SLC39A11: variants seen among roughly 807,000 people sequenced by gnomAD.
SLC39A11 encodes solute carrier family 39 member 11, also known as zinc transporter ZIP11.
A neutral mutation model predicts 36.1 loss-of-function variants in SLC39A11; 33 were observed. The observed-to-expected ratio is 0.91, with a 90% confidence interval of 0.69 to 1.22. The LOEUF (loss-of-function observed/expected upper bound fraction) is 1.22, where lower values mean the gene tolerates loss of function less well. Among genes scored for constraint, SLC39A11 ranks in the 50% most tolerant of loss-of-function variants. The pLI, the probability that SLC39A11 is intolerant of heterozygous loss-of-function variation, is 0.00. For synonymous variants in SLC39A11, 166 were observed against 170.3 expected (o/e 0.97, Z 0.20); for missense variants, 432 against 430.3 (o/e 1.00, Z -0.03).
intron 4 of SLC39A11, among the ~76,000 whole-genome samples, chr17:72,971,257 T>G (rs1479847088): frequency 6.6e-6 from 1 of 152,078 alleles, no homozygotes; most frequent in African/African-American, 2.4e-5. Flanking sequence ...TACCTCTAAA[T>G]CTGCTTACAG....
At chr17:72,780,100 TG>T (rs1432897092) in intron 6 of SLC39A11, among the ~76,000 whole-genome samples, 4 of 152,230 alleles carry the variant, frequency 2.6e-5, no homozygotes, top group Admixed American at 2.6e-4. Context: ...AACGCAAAGA[TG>T]AACTAAGCCC....
At chr17:72,929,751 C>A (rs2084268295) in intron 5 of SLC39A11, among the ~76,000 whole-genome samples, 1 of 152,088 alleles carries the variant, frequency 6.6e-6, no homozygotes, top group Non-Finnish European at 1.5e-5. Context: ...GTCTTGCTAC[C>A]CTTGGAAACT....
intron 4 of SLC39A11, among the ~76,000 whole-genome samples, chr17:72,992,161 G>A (rs758815772): frequency 8.5e-5 from 13 of 152,110 alleles, no homozygotes; most frequent in Non-Finnish European, 1.6e-4. Flanking sequence ...AGACCAGCCT[G>A]GCCAACATAG....
intron 6 of SLC39A11, among the ~76,000 whole-genome samples, chr17:72,780,319 T>C (rs1174479654): frequency 6.6e-6 from 1 of 151,814 alleles, no homozygotes; most frequent in African/African-American, 2.4e-5. Context: ...TCTTCTTGGT[T>C]TGGGGGCTGA....
At chr17:73,049,209 G>A (rs2059416614) in intron 3 of SLC39A11, among the ~76,000 whole-genome samples, 2 of 152,208 alleles carry the variant, frequency 1.3e-5, no homozygotes, top group African/African-American at 2.4e-5. Flanking sequence ...TATATCATAA[G>A]GCCAAAGGCG....
chr17:72,884,897 G>A lies in SLC39A11; in HGVS notation c.431-35093C>T, dbSNP rs565686740. Among the ~76,000 whole-genome samples the A allele has an allele frequency of 2.0e-5, 3 of 152,250 alleles. No homozygotes were observed. In the East Asian group the frequency reaches 5.8e-4, roughly 29 times the overall value. ...TTCTGAACAAAGAAAAATGCATAAC[G>A]AGAGGAACTCATCATTAAATATAAA... On this transcript the variant is annotated intron_variant, in intron 5 of 9. Transcript: ENST00000255559.
chr17:72,798,575 G>A (rs2145189859), intron 6 of SLC39A11, among the ~76,000 whole-genome samples: 1 of 151,868 alleles, frequency 6.6e-6, no homozygotes, highest in Middle Eastern at 3.4e-3. Flanking sequence ...CACCATGCAG[G>A]GGTTTCACCA....
chr17:73,050,462 C>CTTTTTTTTT (rs558193911), intron 3 of SLC39A11, among the ~76,000 whole-genome samples: 3 of 124,322 alleles, frequency 2.4e-5, no homozygotes, highest in African/African-American at 6.3e-5. Context: ...TGTGAACTGA[C>CTTTTTTTTT]TTTTTTTTTT....
At chr17:72,699,737 G>A (rs115197260) in intron 7 of SLC39A11, among the ~76,000 whole-genome samples, 1,834 of 152,280 alleles carry the variant, frequency 0.012, 38 homozygotes, top group African/African-American at 0.042. Context: ...GGGCGGCCAG[G>A]GCTGTGGATT....
rs2082686929 is a variant in SLC39A11, at chr17:72,906,962, T to C, written c.430+40790A>G. Reference sequence around the variant, plus strand: ...AGGGCTGCCTAATCAAAGCATCTGCTCCTTCCTGGAAGGCTCCAACAGCCA... The same window carrying C: ...AGGGCTGCCTAATCAAAGCATCTGCCCCTTCCTGGAAGGCTCCAACAGCCA... On this transcript the variant is annotated intron_variant, in intron 5 of 9. Coordinates refer to ENST00000255559, the MANE Select transcript of SLC39A11 (RefSeq NM_139177.4). Among the ~76,000 whole-genome samples, 3 of 152,266 alleles carry C rather than the reference T, an allele frequency of 2.0e-5. No individual in the cohort carries two copies. In the South Asian group the frequency reaches 6.2e-4, roughly 32 times the overall value.
intron 4 of SLC39A11, among the ~76,000 whole-genome samples, chr17:73,023,495 T>C (rs536187165): frequency 6.6e-6 from 1 of 152,156 alleles, no homozygotes; most frequent in East Asian, 1.9e-4. Context: ...TGTTGTTTGT[T>C]TGTTTTGTGT....
intron 6 of SLC39A11, among the ~76,000 whole-genome samples, chr17:72,765,427 G>A (rs2075727168): frequency 6.6e-6 from 1 of 152,148 alleles, no homozygotes; most frequent in Non-Finnish European, 1.5e-5. Context: ...GCTGAATTAA[G>A]GAATAATAAA....
chr17:72,924,214 G>C (rs1425044156), intron 5 of SLC39A11, among the ~76,000 whole-genome samples: 1 of 142,450 alleles, frequency 7.0e-6, no homozygotes, highest in East Asian at 2.1e-4. Flanking sequence ...TCAGGACACA[G>C]ACAAAACTAA....
chr17:72,806,889 T>C (rs1034696543), intron 6 of SLC39A11, among the ~76,000 whole-genome samples: 1 of 152,230 alleles, frequency 6.6e-6, no homozygotes, highest in African/African-American at 2.4e-5. Context: ...AGCCTCACTT[T>C]TGTGCTTTTT....
At chr17:72,953,115 G>A (rs1445053137) in intron 4 of SLC39A11, among the ~76,000 whole-genome samples, 1 of 152,010 alleles carries the variant, frequency 6.6e-6, no homozygotes, top group Admixed American at 6.5e-5. Flanking sequence ...CAGGGTGTGG[G>A]CCAATGGAGG....
At chr17:72,754,051 TACACACAC>T (rs58802713) in intron 6 of SLC39A11, among the ~76,000 whole-genome samples, 39,653 of 107,352 alleles carry the variant, frequency 0.37, 7,685 homozygotes, top group Non-Finnish European at 0.47. Flanking sequence ...TATATACACA[TACACACAC>T]ACACACACAC....
chr17:72,906,405 C>T (rs140586096), intron 5 of SLC39A11, among the ~76,000 whole-genome samples: 23 of 152,364 alleles, frequency 1.5e-4, no homozygotes, highest in South Asian at 1.2e-3. Context: ...GGCAGTGTTT[C>T]CTCCTGGGCT....
At chr17:72,994,419 G>A (rs997811798) in intron 4 of SLC39A11, among the ~76,000 whole-genome samples, 6 of 152,258 alleles carry the variant, frequency 3.9e-5, no homozygotes, top group South Asian at 4.1e-4. Context: ...TAAAAAAGAG[G>A]TAATTATAAA....
chr17:73,009,670 C>T (rs941757719), intron 4 of SLC39A11, among the ~76,000 whole-genome samples: 1 of 152,090 alleles, frequency 6.6e-6, no homozygotes, highest in African/African-American at 2.4e-5. Context: ...TATGAAGGTA[C>T]TAAATGTCAC....
Sources: gnomAD v4.1 joint callset for allele counts (sites outside exome capture counted in the v4.1 genomes callset) on GRCh38, gnomAD v4.1.1 for gene constraint, MANE v1.5 for transcripts, NCBI Gene and HGNC (gene_info 2026-07-23, HGNC 2026-07-21) for gene names.